Variants in BMERB1 observed in about 807,000 individuals in gnomAD.
BMERB1 encodes bMERB domain containing 1.
A neutral mutation model predicts 23.6 loss-of-function variants in BMERB1; 12 were observed. The ratio of observed to expected loss-of-function variants is 0.51; its 90% CI spans 0.33 to 0.82. BMERB1 has a LOEUF of 0.82. Among genes scored for constraint, BMERB1 ranks in the 40% least tolerant of loss-of-function variants. BMERB1 has a pLI of 0.03. For missense variants in BMERB1, 247 were observed against 255.4 expected (o/e 0.97, Z 0.22); for synonymous variants, 122 against 96.6 (o/e 1.26, Z -1.54).
At chr16:15,519,145 A>T (rs1452647650) in intron 2 of BMERB1, among the ~76,000 whole-genome samples, 1 of 151,806 alleles carries the variant, frequency 6.6e-6, no homozygotes, top group South Asian at 2.1e-4. Flanking sequence ...AGAGAAAAAA[A>T]TTTCAGACCC....
chr16:15,512,768 A>T (rs1018599770), intron 1 of BMERB1, among the ~76,000 whole-genome samples: 2 of 150,966 alleles, frequency 1.3e-5, no homozygotes, highest in Non-Finnish European at 3.0e-5. Context: ...AACCCAAGCT[A>T]CTCAGGAGGC....
chr16:15,553,342 G>A (rs904696195), intron 2 of BMERB1, among the ~76,000 whole-genome samples: 1 of 152,206 alleles, frequency 6.6e-6, no homozygotes, highest in Admixed American at 6.5e-5. Flanking sequence ...AGGCGTGGTG[G>A]CATGCGCCTG....
intron 2 of BMERB1, among the ~76,000 whole-genome samples, chr16:15,549,676 TA>T (rs768470162): frequency 0.029 from 3,735 of 130,376 alleles, 114 homozygotes; most frequent in African/African-American, 0.079. Flanking sequence ...AGACATTGTC[TA>T]AAAAAAAAAA....
intron 2 of BMERB1, among the ~76,000 whole-genome samples, chr16:15,532,254 C>G (rs879943161): frequency 2.6e-5 from 4 of 151,656 alleles, no homozygotes; most frequent in South Asian, 2.1e-4. Flanking sequence ...TTTTTTGAGA[C>G]AAAGTCTCAC....
At chr16:15,567,836 T>G in intron 2 of BMERB1, 147 bp from the exon 3 acceptor site, 1 of 648,738 alleles carries the variant, frequency 1.5e-6, no homozygotes, top group African/African-American at 1.8e-5. Flanking sequence ...GGCTTTTTCC[T>G]TTTGAGGGAA....
At position 15,561,256 on chromosome 16, in the gene BMERB1, ATTTTTT is replaced by A. The variant is rs35139646; in HGVS notation, c.231-6704_231-6699del. The stretch of plus-strand genomic sequence containing the variant: ...ACAGGTGTGAGCCACCACGCCGGCC[ATTTTTT>A]TTTTTTTTTTTTTTTTTTTTTTGGG... On this transcript the variant is annotated intron_variant, in intron 2 of 5. Transcript: ENST00000300006. Among the ~76,000 whole-genome samples the A allele has an allele frequency of 7.2e-3, 303 of 42,234 alleles. 3 individuals are homozygous for A. The highest frequency in any genetic ancestry group is 0.03 in the African/African-American group (285 of 9,352). 27.7% of individuals were successfully genotyped at this position (42,234 alleles called of 152,430 possible). A position where few individuals can be genotyped will look rare whatever the true frequency, so the allele number is the denominator to read the frequency against.
At chr16:15,582,525 C>T (rs2031039254) in intron 4 of BMERB1, among the ~76,000 whole-genome samples, 1 of 152,038 alleles carries the variant, frequency 6.6e-6, no homozygotes, top group Non-Finnish European at 1.5e-5. Context: ...GACAAGCTGC[C>T]CCAACATAGT....
At chr16:15,542,403 G>A (rs1382735475) in intron 2 of BMERB1, among the ~76,000 whole-genome samples, 1 of 151,992 alleles carries the variant, frequency 6.6e-6, no homozygotes, top group Non-Finnish European at 1.5e-5. Flanking sequence ...TGCTCTTCTG[G>A]TGACGAGGCC....
intron 3 of BMERB1, among the ~76,000 whole-genome samples, chr16:15,580,767 G>C (rs113026107): frequency 0.062 from 9,349 of 151,408 alleles, 987 homozygotes; most frequent in African/African-American, 0.21. Context: ...GGATGGTCTC[G>C]ATCTCCTGAC....
chr16:15,473,612 G>T (rs1231905716), intron 1 of BMERB1, among the ~76,000 whole-genome samples: 1 of 151,896 alleles, frequency 6.6e-6, no homozygotes, highest in Non-Finnish European at 1.5e-5. Context: ...ATTCTTTAAG[G>T]GCAGGTTTAC....
chr16:15,563,664 G>C (rs964626234), intron 2 of BMERB1, among the ~76,000 whole-genome samples: 2 of 152,154 alleles, frequency 1.3e-5, no homozygotes, highest in Non-Finnish European at 2.9e-5. Context: ...AAGGCGAAGG[G>C]GAAGTCTTAC....
At chr16:15,462,359 G>A (rs144947481) in intron 1 of BMERB1, among the ~76,000 whole-genome samples, 1,946 of 151,772 alleles carry the variant, frequency 0.013, 33 homozygotes, top group Non-Finnish European at 0.012. Flanking sequence ...TCACTATGTT[G>A]GCCAGGCTGG....
At chr16:15,509,917 C>T (rs1210677834) in intron 1 of BMERB1, among the ~76,000 whole-genome samples, 4 of 152,012 alleles carry the variant, frequency 2.6e-5, no homozygotes, top group African/African-American at 9.7e-5. Flanking sequence ...AGGGTGGGCC[C>T]TAAATCTAAT....
chr16:15,495,849 T>C (rs1567468841), intron 1 of BMERB1, among the ~76,000 whole-genome samples: 3 of 152,076 alleles, frequency 2.0e-5, no homozygotes, highest in African/African-American at 7.2e-5. Context: ...GGAGGTGAAG[T>C]TGGGGCAAAG....
In BMERB1 at chr16:15,581,350, C is replaced by T; in HGVS notation, c.419+19C>T. 6.3e-7 allele frequency: 1 copy of T among 1,595,476 alleles called. No homozygotes were observed. On this transcript the variant is annotated intron_variant, in intron 4 of 5. Coordinates refer to ENST00000300006, the MANE Select transcript of BMERB1 (RefSeq NM_033201.3). ...GGTTAAGGTGAGTGCACTGCGGGTACCCGATCACTGGGCTGCAGGACAGCA... is the reference window on the plus strand; with the variant it reads ...GGTTAAGGTGAGTGCACTGCGGGTATCCGATCACTGGGCTGCAGGACAGCA...
At chr16:15,451,560 T>C (rs1801381942) in intron 1 of BMERB1, among the ~76,000 whole-genome samples, 5 of 138,548 alleles carry the variant, frequency 3.6e-5, no homozygotes, top group Non-Finnish European at 6.3e-5. Flanking sequence ...TTCTTTTTTT[T>C]TTTTTTTTTT....
chr16:15,529,227 C>T (rs1005602874), intron 2 of BMERB1, among the ~76,000 whole-genome samples: 9 of 152,054 alleles, frequency 5.9e-5, no homozygotes, highest in Admixed American at 3.9e-4. Context: ...AGGGTTTCAC[C>T]GTGTTAGCCA....
intron 2 of BMERB1, among the ~76,000 whole-genome samples, chr16:15,563,899 G>T (rs1442813077): frequency 6.6e-6 from 1 of 152,192 alleles, no homozygotes; most frequent in East Asian, 1.9e-4. Context: ...AGTGGGAGGT[G>T]TTTGGGTCAC....
intron 2 of BMERB1, among the ~76,000 whole-genome samples, chr16:15,547,343 CTT>C (rs749191533): frequency 5.1e-4 from 68 of 133,874 alleles, no homozygotes; most frequent in Middle Eastern, 4.4e-3. Flanking sequence ...TTTTCTTCTT[CTT>C]TTTTTTTTTT....
Sources: allele counts gnomAD v4.1 joint callset (sites outside exome capture counted in the v4.1 genomes callset), GRCh38; gene constraint gnomAD v4.1.1; transcripts MANE v1.5; gene names NCBI Gene and HGNC (gene_info 2026-07-23, HGNC 2026-07-21).